The following STARD13 variants were observed in gnomAD, a reference collection of about 807,000 sequenced individuals.
STARD13 encodes StAR related lipid transfer domain containing 13, also known as stAR-related lipid transfer protein 13.
Under a neutral mutation model 106.4 loss-of-function variants are expected in STARD13, and 62 were observed. The observed-to-expected ratio is 0.58, with a 90% CI of 0.48 to 0.72. The LOEUF is 0.72. STARD13 is among the 30% of genes least tolerant of loss of function. The probability of loss-of-function intolerance (pLI) is 0.00; values close to 1 mark genes in which losing one functional copy is unlikely to be tolerated. For synonymous variants in STARD13, 565 were observed against 553.0 expected (o/e 1.02, Z -0.31); for missense variants, 1,387 against 1,424.0 (o/e 0.97, Z 0.42).
chr13:33,545,414 G>T, the STARD13 span, among the ~76,000 whole-genome samples: 4 of 152,176 alleles, frequency 2.6e-5, no homozygotes, highest in African/African-American at 9.7e-5. Context: ...AATGTTCTTT[G>T]CCTTATTTTA....
chr13:33,160,472 T>C (rs1205667804), intron 3 of STARD13, among the ~76,000 whole-genome samples: 1 of 152,122 alleles, frequency 6.6e-6, no homozygotes, highest in Non-Finnish European at 1.5e-5. Flanking sequence ...TTTTGTTCTG[T>C]GAAAGACACT....
chr13:33,414,129 T>C, the STARD13 span, among the ~76,000 whole-genome samples: 2 of 151,756 alleles, frequency 1.3e-5, no homozygotes, highest in Non-Finnish European at 2.9e-5. Context: ...AAATGAGATA[T>C]TATAGCACAC....
chr13:33,434,666 C>T, the STARD13 span, among the ~76,000 whole-genome samples: 1 of 151,938 alleles, frequency 6.6e-6, no homozygotes, highest in Non-Finnish European at 1.5e-5. Flanking sequence ...GCAAAGAGGG[C>T]CACAAAGCCA....
the STARD13 span, among the ~76,000 whole-genome samples, chr13:33,596,817 CTAACA>C: frequency 6.6e-6 from 1 of 152,172 alleles, no homozygotes; most frequent in South Asian, 2.1e-4. Flanking sequence ...CTTATTTCAC[CTAACA>C]TAACGACCTA....
At chr13:33,228,675 T>C (rs1189736553) in intron 1 of STARD13, among the ~76,000 whole-genome samples, 1 of 152,274 alleles carries the variant, frequency 6.6e-6, no homozygotes, top group Non-Finnish European at 1.5e-5. Context: ...TGATTGCTAA[T>C]TCGGACATGG....
chr13:33,404,079 A>T, the STARD13 span, among the ~76,000 whole-genome samples: 1,297 of 152,344 alleles, frequency 8.5e-3, 8 homozygotes, highest in Middle Eastern at 0.044. Context: ...TAATACGCAG[A>T]AGAGGCTGAT....
At chr13:33,268,549 T>A (rs1891014672) in intron 1 of STARD13, among the ~76,000 whole-genome samples, 1 of 152,234 alleles carries the variant, frequency 6.6e-6, no homozygotes, top group Admixed American at 6.5e-5. Flanking sequence ...ATGTTGTTAT[T>A]ATTATTATTC....
chr13:33,503,510 T>C, the STARD13 span, among the ~76,000 whole-genome samples: 1 of 152,242 alleles, frequency 6.6e-6, no homozygotes, highest in African/African-American at 2.4e-5. Flanking sequence ...CTTTCTTTTG[T>C]GGGCATTTAG....
the STARD13 span, among the ~76,000 whole-genome samples, chr13:33,619,082 G>T: frequency 6.7e-6 from 1 of 150,164 alleles, no homozygotes; most frequent in Non-Finnish European, 1.5e-5. Context: ...CAGATTTCTG[G>T]AACAGTCAGT....
chr13:33,282,838 G>A (rs756465768), intron 1 of STARD13, among the ~76,000 whole-genome samples: 6 of 151,940 alleles, frequency 3.9e-5, no homozygotes, highest in Non-Finnish European at 7.4e-5. Flanking sequence ...ACCAGCCTGC[G>A]CAATATAGTG....
chr13:33,125,816 A>T (rs181837569), intron 7 of STARD13, among the ~76,000 whole-genome samples: 2 of 152,352 alleles, frequency 1.3e-5, no homozygotes, highest in Admixed American at 1.3e-4. Flanking sequence ...AGGGATTGCA[A>T]ATTAGACATC....
At chr13:33,648,783 C>CTTTTTTTTTTTTTTTTTTTTTTTTTTTTT in the STARD13 span, among the ~76,000 whole-genome samples, 2 of 77,010 alleles carry the variant, frequency 2.6e-5, no homozygotes, top group Non-Finnish European at 4.7e-5. Context: ...TTTTCTCTTT[C>CTTTTTTTTTTTTTTTTTTTTTTTTTTTTT]TTTTTTTTTT....
chr13:33,285,940 A>C (rs1172334369), upstream of STARD13, among the ~76,000 whole-genome samples: 4 of 152,044 alleles, frequency 2.6e-5, no homozygotes, highest in African/African-American at 9.7e-5. Flanking sequence ...AAATACACGT[A>C]TTTGACGTGC....
the STARD13 span, among the ~76,000 whole-genome samples, chr13:33,371,146 C>A: frequency 2.1e-3 from 327 of 152,296 alleles, 1 homozygote; most frequent in Non-Finnish European, 3.6e-3. Context: ...CAAAGAGATA[C>A]TCTGAAATGC....
the STARD13 span, among the ~76,000 whole-genome samples, chr13:33,414,882 C>T: frequency 6.6e-6 from 1 of 152,114 alleles, no homozygotes; most frequent in African/African-American, 2.4e-5. Context: ...ACATAGCATG[C>T]TTCCATTTCA....
intron 1 of STARD13, among the ~76,000 whole-genome samples, chr13:33,271,801 A>G (rs1450387937): frequency 6.6e-6 from 1 of 152,050 alleles, no homozygotes; most frequent in Non-Finnish European, 1.5e-5. Context: ...CCAGGTCTAT[A>G]ATGATGGGAA....
intron 1 of STARD13, among the ~76,000 whole-genome samples, chr13:33,244,475 C>T (rs1194618502): frequency 5.3e-5 from 8 of 152,048 alleles, no homozygotes; most frequent in Non-Finnish European, 1.2e-4. Context: ...CCTCACATCC[C>T]TGTATCTCTT....
chr13:33,586,260 G>C, the STARD13 span, among the ~76,000 whole-genome samples: 1 of 152,140 alleles, frequency 6.6e-6, no homozygotes, highest in Admixed American at 6.6e-5. Context: ...GTATGGCAGA[G>C]CTAAAACAAG....
chr13:33,123,050 C>T (rs1253002422), intron 7 of STARD13, among the ~76,000 whole-genome samples: 1 of 47,206 alleles, frequency 2.1e-5, no homozygotes, highest in South Asian at 8.4e-4. Flanking sequence ...AGCAAGACTC[C>T]ATCTCAAAAA....
Sources: allele counts gnomAD v4.1 joint callset (sites outside exome capture counted in the v4.1 genomes callset), GRCh38; gene constraint gnomAD v4.1.1; transcripts MANE v1.5; gene names NCBI Gene and HGNC (gene_info 2026-07-23, HGNC 2026-07-21).